CDH12: variants seen among roughly 807,000 people sequenced by gnomAD.
The protein encoded by CDH12 is cadherin-12.
A neutral mutation model predicts 74.1 loss-of-function variants in CDH12; 41 were observed. The observed-to-expected ratio is 0.55, with a 90% CI of 0.43 to 0.72. The LOEUF (loss-of-function observed/expected upper bound fraction) is 0.72, where lower values mean the gene tolerates loss of function less well. Ranked by LOEUF, CDH12 falls within the 30% of genes least tolerant of loss-of-function variation. The pLI is 0.00. For synonymous variants in CDH12, 399 were observed against 355.0 expected (o/e 1.12, Z -1.39); for missense variants, 945 against 977.2 (o/e 0.97, Z 0.44).
At chr5:22,201,081 C>T (rs2150354494) in intron 4 of CDH12, among the ~76,000 whole-genome samples, 1 of 152,276 alleles carries the variant, frequency 6.6e-6, no homozygotes, top group South Asian at 2.1e-4. Flanking sequence ...CTGTGACAGA[C>T]AGCAAACATG....
intron 1 of CDH12, among the ~76,000 whole-genome samples, chr5:22,629,916 G>C (rs1738495777): frequency 6.6e-6 from 1 of 151,994 alleles, no homozygotes; most frequent in African/African-American, 2.4e-5. Flanking sequence ...CAAAATTTCA[G>C]AATACAAAAT....
intron 1 of CDH12, among the ~76,000 whole-genome samples, chr5:22,558,267 A>G (rs1202646814): frequency 1.3e-5 from 2 of 152,092 alleles, no homozygotes; most frequent in Non-Finnish European, 2.9e-5. Flanking sequence ...ATGGAGACAG[A>G]TTAATTGAAA....
At chr5:21,856,825 C>A (rs776484922) in intron 6 of CDH12, among the ~76,000 whole-genome samples, 1 of 151,812 alleles carries the variant, frequency 6.6e-6, no homozygotes, top group Non-Finnish European at 1.5e-5. Context: ...GCAAGAATAA[C>A]TGCATTCCTA....
At chr5:21,927,068 A>T (rs1173148169) in intron 6 of CDH12, among the ~76,000 whole-genome samples, 3 of 152,242 alleles carry the variant, frequency 2.0e-5, no homozygotes, top group African/African-American at 7.2e-5. Context: ...CAAACAAGTC[A>T]GCATGGCTGT....
chr5:21,894,382 G>GAAA (rs376989106), intron 6 of CDH12, among the ~76,000 whole-genome samples: 175 of 73,414 alleles, frequency 2.4e-3, no homozygotes, highest in African/African-American at 5.0e-3. Context: ...CCGTCTCAAA[G>GAAA]AAAAAAAAAA....
At chr5:22,785,674 C>T (rs1276306456) in intron 1 of CDH12, among the ~76,000 whole-genome samples, 2 of 152,058 alleles carry the variant, frequency 1.3e-5, no homozygotes, top group Non-Finnish European at 2.9e-5. Context: ...CATGTCACTA[C>T]ACCTGGCTAA....
chr5:22,705,230 A>G (rs1298447863), intron 1 of CDH12, among the ~76,000 whole-genome samples: 1 of 151,334 alleles, frequency 6.6e-6, no homozygotes, highest in African/African-American at 2.4e-5. Flanking sequence ...TTTCCTCAAA[A>G]TATAGAAGGA....
intron 1 of CDH12, among the ~76,000 whole-genome samples, chr5:22,641,717 C>G (rs780737423): frequency 6.6e-6 from 1 of 152,294 alleles, no homozygotes; most frequent in East Asian, 1.9e-4. Context: ...TTGGCCAACT[C>G]TTTCTTGCTA....
At chr5:22,721,572 A>G (rs1743890571) in intron 1 of CDH12, among the ~76,000 whole-genome samples, 1 of 152,134 alleles carries the variant, frequency 6.6e-6, no homozygotes, top group Non-Finnish European at 1.5e-5. Context: ...TATTGAAATG[A>G]GTTGAGACTT....
intron 3 of CDH12, among the ~76,000 whole-genome samples, chr5:22,251,982 C>T (rs1753152036): frequency 6.6e-6 from 1 of 152,088 alleles, no homozygotes; most frequent in Non-Finnish European, 1.5e-5. Context: ...TAAAATTACA[C>T]ATTTTCTTTA....
chr5:22,354,008 C>A (rs929193632), intron 3 of CDH12, among the ~76,000 whole-genome samples: 2 of 152,040 alleles, frequency 1.3e-5, no homozygotes, highest in African/African-American at 4.8e-5. Context: ...AAGGAGAGAC[C>A]AGTAATGAAG....
At chr5:22,541,917 G>A (rs941115447) in intron 1 of CDH12, among the ~76,000 whole-genome samples, 1 of 152,000 alleles carries the variant, frequency 6.6e-6, no homozygotes, top group Admixed American at 6.5e-5. Context: ...ATACCTCACT[G>A]AAAGATTTCT....
intron 1 of CDH12, among the ~76,000 whole-genome samples, chr5:22,831,900 CA>C (rs933458337): frequency 1.3e-3 from 188 of 147,070 alleles, no homozygotes; most frequent in Non-Finnish European, 2.0e-3. Flanking sequence ...CTGTCCCCCC[CA>C]AAAAAAAAAT....
At chr5:22,407,532 T>TA (rs1211363137) in intron 2 of CDH12, among the ~76,000 whole-genome samples, 1 of 151,818 alleles carries the variant, frequency 6.6e-6, no homozygotes, top group African/African-American at 2.4e-5. Flanking sequence ...AAAAGATGAT[T>TA]TTTTTTTGAA....
At chr5:22,542,782 T>G (rs2126721387) in intron 1 of CDH12, among the ~76,000 whole-genome samples, 1 of 152,286 alleles carries the variant, frequency 6.6e-6, no homozygotes, top group Middle Eastern at 3.4e-3. Context: ...CTTAAGTTAA[T>G]GATGCCTATG....
chr5:22,758,351 T>C (rs1379827515), intron 1 of CDH12, among the ~76,000 whole-genome samples: 1 of 152,162 alleles, frequency 6.6e-6, no homozygotes, highest in South Asian at 2.1e-4. Context: ...TGGCGAAGCA[T>C]CTCTAAAGAA....
At chr5:21,929,582 T>A (rs1297162441) in intron 6 of CDH12, among the ~76,000 whole-genome samples, 2 of 152,074 alleles carry the variant, frequency 1.3e-5, no homozygotes, top group Non-Finnish European at 2.9e-5. Context: ...AGTGGTATGA[T>A]CTCCGCTCAC....
At chr5:21,892,518 G>C (rs970298078) in intron 6 of CDH12, among the ~76,000 whole-genome samples, 1 of 152,030 alleles carries the variant, frequency 6.6e-6, no homozygotes. Flanking sequence ...GATTGTAAAA[G>C]AAATAAGCTT....
At chr5:22,293,093 C>T (rs535320705) in intron 3 of CDH12, among the ~76,000 whole-genome samples, 3 of 152,154 alleles carry the variant, frequency 2.0e-5, no homozygotes, top group Non-Finnish European at 4.4e-5. Context: ...TCTCTAAAAA[C>T]CCACGTCTGT....
Sources: gnomAD v4.1 joint callset for allele counts (sites outside exome capture counted in the v4.1 genomes callset) on GRCh38, gnomAD v4.1.1 for gene constraint, MANE v1.5 for transcripts, NCBI Gene and HGNC (gene_info 2026-07-23, HGNC 2026-07-21) for gene names.